Variants in CHST15 observed in about 807,000 individuals in gnomAD.
The protein encoded by CHST15 is carbohydrate sulfotransferase 15.
In CHST15, 30 loss-of-function variants were observed where a neutral mutation model predicts 53.6. The observed-to-expected ratio is 0.56, with a 90% CI of 0.42 to 0.76. The LOEUF is 0.76. Ranked by LOEUF, CHST15 falls within the 30% of genes least tolerant of loss-of-function variation. CHST15 has a pLI of 0.00. For synonymous variants in CHST15, 296 were observed against 289.8 expected (o/e 1.02, Z -0.22); for missense variants, 627 against 740.5 (o/e 0.85, Z 1.78).
intron 1 of CHST15, among the ~76,000 whole-genome samples, chr10:124,076,625 C>T (rs1949079881): frequency 6.6e-6 from 1 of 152,236 alleles, no homozygotes; most frequent in Admixed American, 6.5e-5. Flanking sequence ...AGGGCGTGGA[C>T]CCATGGTCAA....
chr10:124,020,493 G>C (rs1795176252), intron 6 of CHST15: 2 of 985,404 alleles, frequency 2.0e-6, no homozygotes, highest in Non-Finnish European at 1.2e-6. Flanking sequence ...TAGTAAGAAA[G>C]AGGGGGCAGA....
chr10:124,075,889 C>T (rs144609825), intron 1 of CHST15, among the ~76,000 whole-genome samples: 2 of 152,252 alleles, frequency 1.3e-5, no homozygotes, highest in African/African-American at 4.8e-5. Context: ...GCTTCCTGGG[C>T]GGGATTTTAT....
rs28496118 is a variant in CHST15, at chr10:124,074,180, A to G, written c.-513+19289T>C. On this transcript the variant is annotated intron_variant, in intron 1 of 7. Transcript: ENST00000435907. This position sits in a 1 kb window ranked among gnomAD's most constrained non-coding sequence, Gnocchi z 4.4. ...GGGAAGGTAGCTTGCTCTCCCTCCC[A>G]AGATCTTTCCACTTCATTTCTGCAG... Among the ~76,000 whole-genome samples, 109,984 of 152,206 alleles carry G rather than the reference A, an allele frequency of 0.72. 40,582 individuals are homozygous for G. Among genetic ancestry groups the G allele is most frequent in the African/African-American group, 0.88 (36,528 of 41,538 alleles).
intron 1 of CHST15, among the ~76,000 whole-genome samples, chr10:124,062,495 G>C (rs1232159400): frequency 6.6e-6 from 1 of 152,190 alleles, no homozygotes; most frequent in African/African-American, 2.4e-5. Context: ...CTGATCTGTA[G>C]CAGGGAGATT....
At chr10:124,059,977 G>A (rs1283179288) in intron 1 of CHST15, among the ~76,000 whole-genome samples, 2 of 152,162 alleles carry the variant, frequency 1.3e-5, no homozygotes, top group African/African-American at 4.8e-5. Flanking sequence ...CCTGAAGTCA[G>A]CTGACATTCA....
At chr10:124,033,118 CAG>C (rs1332927354) in intron 5 of CHST15, among the ~76,000 whole-genome samples, 1 of 152,196 alleles carries the variant, frequency 6.6e-6, no homozygotes, top group Non-Finnish European at 1.5e-5. Flanking sequence ...AACTTGGGCT[CAG>C]AGTGTTTGTT....
intron 1 of CHST15, among the ~76,000 whole-genome samples, chr10:124,049,207 C>G (rs1450412605): frequency 1.3e-5 from 2 of 152,144 alleles, no homozygotes; most frequent in Non-Finnish European, 2.9e-5. Context: ...AAAGCCAATA[C>G]AAGATGAGGG....
intron 1 of CHST15, among the ~76,000 whole-genome samples, chr10:124,085,952 G>A (rs971938505): frequency 2.6e-5 from 4 of 152,288 alleles, no homozygotes; most frequent in African/African-American, 7.2e-5. Flanking sequence ...CTGGCCAGGC[G>A]TCTCGTTGCA....
intron 1 of CHST15, among the ~76,000 whole-genome samples, chr10:124,079,085 TG>T (rs1275844332): frequency 6.6e-6 from 1 of 152,176 alleles, no homozygotes; most frequent in African/African-American, 2.4e-5. Context: ...GAAGAGATGC[TG>T]AATGAACAAC....
At chr10:124,010,383 A>T in intron 7 of CHST15, 44 bp from the exon 8 acceptor site, 1 of 1,492,730 alleles carries the variant, frequency 6.7e-7, no homozygotes, top group African/African-American at 1.4e-5. Flanking sequence ...GAGGCATGGC[A>T]GGAAGTAAAA....
intron 1 of CHST15, among the ~76,000 whole-genome samples, chr10:124,091,132 G>C (rs1403069271): frequency 6.6e-6 from 1 of 152,226 alleles, no homozygotes; most frequent in Non-Finnish European, 1.5e-5. Flanking sequence ...AGTTTCTCAG[G>C]AACTTGGGGG....
At chr10:124,065,360 G>T (rs1156574139) in intron 1 of CHST15, among the ~76,000 whole-genome samples, 1 of 152,194 alleles carries the variant, frequency 6.6e-6, no homozygotes, top group Non-Finnish European at 1.5e-5. Flanking sequence ...TGCAGCCTGG[G>T]TGACAGAGCA....
rs1554903204 is a variant in CHST15, at chr10:124,021,246, G to GGGC, written c.1347+9_1347+10insGCC. The GGGC allele has an allele frequency of 1.1e-3, 1,711 of 1,560,640 alleles. 12 individuals are homozygous for GGGC. The East Asian group carries it at 0.023, about 21-fold the overall frequency. On this transcript the variant is annotated intron_variant, in intron 6 of 7. Coordinates refer to ENST00000435907, the MANE Select transcript of CHST15 (RefSeq NM_001270764.2). Reference sequence around the variant, plus strand: ...CCAGCTCGGGGGGTACGGGGGGGGGGGGTACACACAGGCATGGCGTTGTTG... The same window carrying GGGC: ...CCAGCTCGGGGGGTACGGGGGGGGGGGGCGGTACACACAGGCATGGCGTTGTTG...
At chr10:124,060,999 T>A (rs1948554277) in intron 1 of CHST15, among the ~76,000 whole-genome samples, 1 of 152,152 alleles carries the variant, frequency 6.6e-6, no homozygotes, top group South Asian at 2.1e-4. Flanking sequence ...TTTCTGACTT[T>A]TAGACAACGC....
chr10:124,069,220 C>A (rs544045577), intron 1 of CHST15, among the ~76,000 whole-genome samples: 1 of 152,376 alleles, frequency 6.6e-6, no homozygotes, highest in African/African-American at 2.4e-5. Flanking sequence ...TTCCTACATC[C>A]TGTAGTCCTC....
chr10:124,070,781 G>T (rs1948888421), intron 1 of CHST15, among the ~76,000 whole-genome samples: 1 of 152,154 alleles, frequency 6.6e-6, no homozygotes, highest in Admixed American at 6.5e-5. Flanking sequence ...CTCGCAGGCT[G>T]GTGGGGAGGC....
Position 124,085,956 on chromosome 10 carries a change from C to T in CHST15, c.-513+7513G>A, listed in dbSNP as rs369745194. On this transcript the variant is annotated intron_variant, in intron 1 of 7. Coordinates refer to ENST00000435907, the MANE Select transcript of CHST15 (RefSeq NM_001270764.2). ...TCCAGGCCCGGCTGGCCAGGCGTCT[C>T]GTTGCAAACACAGAACCAGGTCTGG... Among the ~76,000 whole-genome samples, 293 of 152,280 alleles carry T rather than the reference C, an allele frequency of 1.9e-3. 9 individuals carry two copies. In the South Asian group the frequency reaches 0.056, roughly 29 times the overall value.
At position 124,009,883 on chromosome 10, in the gene CHST15, C is replaced by A; in HGVS notation, c.*266G>T. On this transcript the variant is annotated 3_prime_UTR_variant, in exon 8 of 8. Transcript: ENST00000435907. ...CAGGCCAGCTGGCTGCATCCCCAAG[C>A]TCCAGGACGCTCAGAGCAGAGCTGA... The A allele has an allele frequency of 7.9e-7, 1 of 1,268,092 alleles. No homozygotes were observed. The highest frequency in any genetic ancestry group is 1.7e-5 in the South Asian group (1 of 59,986). The allele number at this position is 1,268,092 out of a possible 1,614,324, so 78.6% of individuals were successfully genotyped here.
chr10:124,054,823 G>A (rs568978119), intron 1 of CHST15, among the ~76,000 whole-genome samples: 1 of 152,314 alleles, frequency 6.6e-6, no homozygotes, highest in African/African-American at 2.4e-5. Context: ...CCCGCACACC[G>A]TGGAAGGATG....
Sources: allele counts gnomAD v4.1 joint callset (sites outside exome capture counted in the v4.1 genomes callset), GRCh38; gene constraint gnomAD v4.1.1; non-coding constraint Gnocchi (gnomAD v3.1); transcripts MANE v1.5; gene names NCBI Gene and HGNC (gene_info 2026-07-23, HGNC 2026-07-21).